ASH1L: variants seen among roughly 807,000 people sequenced by gnomAD.
ASH1L encodes ASH1 like histone lysine methyltransferase, also known as histone-lysine N-methyltransferase ASH1L.
In ASH1L, 23 loss-of-function variants were observed where a neutral mutation model predicts 269.0. The observed-to-expected ratio is 0.09, with a 90% CI of 0.06 to 0.12. ASH1L has a LOEUF of 0.12. ASH1L is among the 10% of genes least tolerant of loss of function. ASH1L has a pLI of 1.00. For missense variants in ASH1L, 2,912 were observed against 3,567.8 expected (o/e 0.82, Z 4.68); for synonymous variants, 1,187 against 1,253.5 (o/e 0.95, Z 1.12).
At chr1:155,553,937 C>T (rs995265506) in intron 1 of ASH1L, among the ~76,000 whole-genome samples, 4 of 150,996 alleles carry the variant, frequency 2.6e-5, no homozygotes, top group African/African-American at 7.3e-5. Context: ...GCTGGGACTA[C>T]AGGCGTGTGC....
At chr1:155,434,910 T>C (rs998384465) in intron 5 of ASH1L, among the ~76,000 whole-genome samples, 1 of 151,218 alleles carries the variant, frequency 6.6e-6, no homozygotes, top group African/African-American at 2.4e-5. Context: ...GTAATCACAG[T>C]ACTTTGGGAG....
At chr1:155,484,436 C>T (rs1298577543) in intron 2 of ASH1L, among the ~76,000 whole-genome samples, 4 of 151,916 alleles carry the variant, frequency 2.6e-5, no homozygotes, top group East Asian at 3.9e-4. Flanking sequence ...TGCAGTGAGC[C>T]GAGATTGCGC....
rs775191382 is a variant in ASH1L at position 155,337,610 on chromosome 1, T to C, written c.*50A>G. 3 of 1,510,588 alleles carry C rather than the reference T, an allele frequency of 2.0e-6. No individual in the cohort carries two copies. Among genetic ancestry groups the C allele is most frequent in the Non-Finnish European group, 2.8e-6 (3 of 1,086,626 alleles). 93.6% of individuals were successfully genotyped at this position (1,510,588 alleles called of 1,614,324 possible). ...ATACCCAGAGAGCAGGAGGCAGGAC[T>C]GATTAGCTCCACTGGATCCCAGATG... On this transcript the variant is annotated 3_prime_UTR_variant, in exon 28 of 28. Transcript: ENST00000392403.
intron 1 of ASH1L, among the ~76,000 whole-genome samples, chr1:155,543,132 T>C (rs1258592779): frequency 6.6e-6 from 1 of 152,142 alleles, no homozygotes; most frequent in Non-Finnish European, 1.5e-5. Context: ...AAGTATCTTG[T>C]AGAAGGAAAT....
intron 5 of ASH1L, chr1:155,433,422 G>T (rs2148601913): frequency 6.2e-7 from 1 of 1,608,670 alleles, no homozygotes; most frequent in Non-Finnish European, 8.5e-7. Context: ...CCTCAGGTTG[G>T]AGTGCGGCTA....
intron 1 of ASH1L, among the ~76,000 whole-genome samples, chr1:155,549,632 A>G (rs1056356072): frequency 6.6e-6 from 1 of 152,038 alleles, no homozygotes; most frequent in African/African-American, 2.4e-5. Flanking sequence ...CTCAAAAAAA[A>G]AAAAAAAAAA....
intron 12 of ASH1L, among the ~76,000 whole-genome samples, chr1:155,369,479 A>G (rs571037194): frequency 1.3e-5 from 2 of 152,088 alleles, no homozygotes; most frequent in South Asian, 2.1e-4. Context: ...ATTTCTCTGT[A>G]TATGAATTAC....
intron 2 of ASH1L, among the ~76,000 whole-genome samples, chr1:155,511,530 G>A (rs943144497): frequency 6.6e-6 from 1 of 152,138 alleles, no homozygotes; most frequent in Non-Finnish European, 1.5e-5. Flanking sequence ...ACTGTTTCTT[G>A]TTTGTTTGTT....
intron 2 of ASH1L, among the ~76,000 whole-genome samples, chr1:155,505,750 T>C (rs1305233080): frequency 1.3e-5 from 2 of 152,304 alleles, no homozygotes; most frequent in East Asian, 1.9e-4. Flanking sequence ...ATTTAAAATA[T>C]ATACATTTTA....
Position 155,479,288 on chromosome 1 carries a change from A to C in ASH1L, c.3582T>G (p.Asp1194Glu), listed in dbSNP as rs752094425. 5.0e-6 allele frequency: 8 copies of C among 1,614,022 alleles called. No homozygotes were observed. Among genetic ancestry groups the C allele is most frequent in the Non-Finnish European group, 6.8e-6 (8 of 1,180,026 alleles). ...TTCCACTATCACTGGGAATGGTCTC[A>C]TCACTATGAGACTCACTGATTGGGG... The part of the protein sequence containing the change: ...TPSPISESHS[D>E]ETIPSDSGIG... The change falls in exon 3 of 28, where the codon GAT (aspartate) becomes GAG (glutamate). Residue 1194 changes from aspartate to glutamate, a missense_variant. Coordinates refer to ENST00000392403, the MANE Select transcript of ASH1L (RefSeq NM_018489.3).
intron 6 of ASH1L, among the ~76,000 whole-genome samples, chr1:155,399,888 G>T (rs752869993): frequency 1.3e-5 from 2 of 152,090 alleles, no homozygotes; most frequent in African/African-American, 4.8e-5. Context: ...AGGAAGTAAG[G>T]AAAATGATCA....
chr1:155,526,027 A>T (rs903848786), intron 1 of ASH1L, among the ~76,000 whole-genome samples: 1 of 152,020 alleles, frequency 6.6e-6, no homozygotes, highest in African/African-American at 2.4e-5. Flanking sequence ...TGTTATTTTT[A>T]ATTTTTTCTA....
Position 155,562,391 on chromosome 1 carries a change from C to T in ASH1L, c.-338G>A, listed in dbSNP as rs1286227025. On this transcript the variant is annotated 5_prime_UTR_variant, in exon 1 of 28. Coordinates refer to ENST00000392403, the MANE Select transcript of ASH1L (RefSeq NM_018489.3). ...CCCGCAACCGAGACTGGGATCGTCTCCCCTCCGCAAAGCGAACCCAAAATG... is the reference window on the plus strand; with the variant it reads ...CCCGCAACCGAGACTGGGATCGTCTTCCCTCCGCAAAGCGAACCCAAAATG... 6.7e-6 allele frequency: 10 copies of T among 1,501,158 alleles called. No individual in the cohort carries two copies. In the African/African-American group the frequency reaches 6.9e-5, roughly 10 times the overall value. 93.0% of individuals were successfully genotyped at this position (1,501,158 alleles called of 1,614,324 possible).
At chr1:155,465,433 A>G (rs1004953561) in intron 3 of ASH1L, among the ~76,000 whole-genome samples, 5 of 152,178 alleles carry the variant, frequency 3.3e-5, no homozygotes, top group African/African-American at 7.2e-5. Context: ...GATCAACACT[A>G]AAGACACAAG....
rs186808101 is a variant in ASH1L at position 155,438,233 on chromosome 1, G to A, written c.5828+94C>T. Reference sequence around the variant, plus strand: ...TGGTCTCATATAGTAAAAAATGAAAGGTTATAAGATGAAATAATTCAGCTA... The same window carrying A: ...TGGTCTCATATAGTAAAAAATGAAAAGTTATAAGATGAAATAATTCAGCTA... On this transcript the variant is annotated intron_variant, in intron 5 of 27. Transcript: ENST00000392403. 4 of 1,291,226 alleles carry A rather than the reference G, an allele frequency of 3.1e-6. No homozygotes were observed. In the East Asian group the frequency reaches 9.6e-5, roughly 31 times the overall value. The allele number at this position is 1,291,226 out of a possible 1,614,324, so 80.0% of individuals were successfully genotyped here. A position where few individuals can be genotyped will look rare whatever the true frequency, so the allele number is the denominator to read the frequency against.
intron 2 of ASH1L, among the ~76,000 whole-genome samples, chr1:155,500,241 T>C (rs1667417479): frequency 6.6e-6 from 1 of 152,212 alleles, no homozygotes; most frequent in Non-Finnish European, 1.5e-5. Context: ...CTGTCTATTT[T>C]GTGTATGTAA....
intron 12 of ASH1L, among the ~76,000 whole-genome samples, chr1:155,365,297 C>T (rs1031902476): frequency 6.6e-6 from 1 of 151,922 alleles, no homozygotes. Context: ...CCTCCACCTC[C>T]TGGGTTCAAG....
Position 155,483,950 on chromosome 1 carries a change from C to T in ASH1L, c.421-1501G>A, listed in dbSNP as rs190912659. Reference sequence around the variant, plus strand: ...ATGCTATGCTATGCTATGCCTTATACATATAATATACCTTCTGTATAAGAA... The same window carrying T: ...ATGCTATGCTATGCTATGCCTTATATATATAATATACCTTCTGTATAAGAA... On this transcript the variant is annotated intron_variant, in intron 2 of 27. Coordinates refer to ENST00000392403, the MANE Select transcript of ASH1L (RefSeq NM_018489.3). Among the ~76,000 whole-genome samples the T allele has an allele frequency of 2.2e-3, 342 of 152,064 alleles. 3 individuals are homozygous for T. Among genetic ancestry groups the T allele is most frequent in the Non-Finnish European group, 3.6e-3 (245 of 67,992 alleles).
At chr1:155,348,316 T>G (rs1188435311) in intron 19 of ASH1L, among the ~76,000 whole-genome samples, 1 of 152,172 alleles carries the variant, frequency 6.6e-6, no homozygotes, top group Non-Finnish European at 1.5e-5. Flanking sequence ...AGGAAGAATG[T>G]TACAATTTAA....
Sources: allele counts gnomAD v4.1 joint callset (sites outside exome capture counted in the v4.1 genomes callset), GRCh38; gene constraint gnomAD v4.1.1; transcripts MANE v1.5; gene names NCBI Gene and HGNC (gene_info 2026-07-23, HGNC 2026-07-21).